MAN1C1: variants seen among roughly 807,000 people sequenced by gnomAD.
The protein encoded by MAN1C1 is mannosyl-oligosaccharide 1,2-alpha-mannosidase IC.
MAN1C1 carries 49 observed loss-of-function variants against 71.5 expected under a neutral mutation model. That is an observed-to-expected ratio of 0.69 (90% CI 0.54 to 0.87). The LOEUF (loss-of-function observed/expected upper bound fraction) is 0.87. Ranked by LOEUF, MAN1C1 falls within the 40% of genes least tolerant of loss-of-function variation. The pLI is 0.00. For synonymous variants in MAN1C1, 352 were observed against 343.7 expected, an observed-to-expected ratio of 1.02 and a Z score of -0.27; for missense variants, 743 against 835.0, an observed-to-expected ratio of 0.89 and a Z score of 1.36.
At chr1:25,717,061 A>G (rs1237940535) in intron 2 of MAN1C1, among the ~76,000 whole-genome samples, 1 of 152,058 alleles carries the variant, frequency 6.6e-6, no homozygotes, top group Non-Finnish European at 1.5e-5. Flanking sequence ...TATTTTTTCC[A>G]TTTGGCAATT....
intron 10 of MAN1C1, among the ~76,000 whole-genome samples, chr1:25,781,886 C>T (rs1457017049): frequency 2.0e-5 from 3 of 152,168 alleles, no homozygotes; most frequent in Admixed American, 2.0e-4. Context: ...TATTTATCAG[C>T]CTATAGGCAA....
chr1:25,718,333 G>T (rs1311197689), intron 2 of MAN1C1, among the ~76,000 whole-genome samples: 1 of 152,150 alleles, frequency 6.6e-6, no homozygotes, highest in African/African-American at 2.4e-5. Context: ...GTCTCTCCTG[G>T]AGGCTTCTGA....
rs961800117 is a variant in MAN1C1, at chr1:25,617,743, C to T, written c.-55C>T. The T allele has an allele frequency of 1.3e-5, 20 of 1,492,598 alleles. No homozygotes were observed. Among genetic ancestry groups the T allele is most frequent in the Middle Eastern group, 2.3e-4 (1 of 4,272 alleles). 92.5% of individuals were successfully genotyped at this position (1,492,598 alleles called of 1,614,324 possible). On this transcript the variant is annotated 5_prime_UTR_variant, in exon 1 of 12. Transcript: ENST00000374332. The surrounding 1 kb of genome is among the most constrained non-coding windows in gnomAD (Gnocchi z 5.1). ...CCGGACGCCCTCCCCTCACCGCGCC[C>T]CCGCAGACACGTGCCTGGACTCCGA...
At chr1:25,745,083 C>T (rs2047110580) in intron 2 of MAN1C1, among the ~76,000 whole-genome samples, 1 of 152,220 alleles carries the variant, frequency 6.6e-6, no homozygotes. Flanking sequence ...TCCCCTCCAC[C>T]TTCACAGTTT....
intron 2 of MAN1C1, among the ~76,000 whole-genome samples, chr1:25,691,064 C>T (rs2124189861): frequency 6.6e-6 from 1 of 152,300 alleles, no homozygotes; most frequent in South Asian, 2.1e-4. Flanking sequence ...CACCCGTAGT[C>T]CCAGCACTGT....
At chr1:25,670,631 G>T (rs1199238052) in intron 1 of MAN1C1, among the ~76,000 whole-genome samples, 1 of 152,214 alleles carries the variant, frequency 6.6e-6, no homozygotes, top group Non-Finnish European at 1.5e-5. Flanking sequence ...GAGGTGCTGG[G>T]TCTATGTCGT....
At chr1:25,625,197 G>T (rs918722306) in intron 1 of MAN1C1, among the ~76,000 whole-genome samples, 10 of 151,806 alleles carry the variant, frequency 6.6e-5, no homozygotes, top group African/African-American at 1.9e-4. Context: ...TAGAGATGGG[G>T]TTTTGCCATG....
At chr1:25,662,865 G>GC (rs1362215164) in intron 1 of MAN1C1, among the ~76,000 whole-genome samples, 1 of 152,188 alleles carries the variant, frequency 6.6e-6, no homozygotes, top group African/African-American at 2.4e-5. Flanking sequence ...TTCGAGATAA[G>GC]CCTGACCAAT....
intron 1 of MAN1C1, among the ~76,000 whole-genome samples, chr1:25,637,011 C>T (rs559716248): frequency 7.4e-4 from 113 of 152,032 alleles, no homozygotes; most frequent in Non-Finnish European, 4.9e-4. Flanking sequence ...AAAAATTTGC[C>T]GGGCATGGTG....
rs1189983514 is a variant in MAN1C1, at chr1:25,634,290, C to T, written c.540+15953C>T. On this transcript the variant is annotated intron_variant, in intron 1 of 11. Coordinates refer to ENST00000374332, the MANE Select transcript of MAN1C1 (RefSeq NM_020379.4). The surrounding 1 kb of genome is among the most constrained non-coding windows in gnomAD (Gnocchi z 4.6). The stretch of plus-strand genomic sequence containing the variant: ...AAAAAGAAGTAGTGAGAACTGACAT[C>T]TTTGCCTTGTTCTTGATCTCGAGGG... Among the ~76,000 whole-genome samples, 1 of 152,180 alleles carries T rather than the reference C, an allele frequency of 6.6e-6. No homozygotes were observed. Among genetic ancestry groups the T allele is most frequent in the Non-Finnish European group, 1.5e-5 (1 of 68,034 alleles).
rs983221723 is a variant in MAN1C1, at chr1:25,782,096, A to T, written c.1651-489A>T. ...TGAGACCTTGTCTCAAGAAAAAAAAATGCATTTATATAGAAAGATGAATGG... is the reference window on the plus strand; with the variant it reads ...TGAGACCTTGTCTCAAGAAAAAAAATTGCATTTATATAGAAAGATGAATGG... On this transcript the variant is annotated intron_variant, in intron 10 of 11. Coordinates refer to ENST00000374332, the MANE Select transcript of MAN1C1 (RefSeq NM_020379.4). This position sits in a 1 kb window ranked among gnomAD's most constrained non-coding sequence, Gnocchi z 4.4. 6.6e-6 allele frequency among the ~76,000 whole-genome samples: 1 copy of T among 150,604 alleles called. No individual in the cohort carries two copies. The highest frequency in any genetic ancestry group is 2.5e-5 in the African/African-American group (1 of 40,816).
chr1:25,679,960 T>A (rs1397625643), intron 1 of MAN1C1, among the ~76,000 whole-genome samples: 3,834 of 128,708 alleles, frequency 0.03, 99 homozygotes, highest in Middle Eastern at 0.062. Flanking sequence ...AATATATATA[T>A]ATATATATAT....
intron 5 of MAN1C1, among the ~76,000 whole-genome samples, chr1:25,754,805 C>T (rs2047263840): frequency 1.3e-5 from 2 of 152,200 alleles, no homozygotes; most frequent in Non-Finnish European, 2.9e-5. Context: ...CCTGATCTGA[C>T]ACGAATCCTG....
chr1:25,708,975 C>A (rs1188631878), intron 2 of MAN1C1, among the ~76,000 whole-genome samples: 1 of 152,116 alleles, frequency 6.6e-6, no homozygotes. Flanking sequence ...TTGGCACTTG[C>A]ATTTTCCTGA....
intron 1 of MAN1C1, among the ~76,000 whole-genome samples, chr1:25,679,835 A>G (rs999746893): frequency 6.7e-6 from 1 of 149,682 alleles, no homozygotes; most frequent in Non-Finnish European, 1.5e-5. Flanking sequence ...TTCATTGTAT[A>G]TTTCCAAAAA....
intron 5 of MAN1C1, among the ~76,000 whole-genome samples, chr1:25,758,102 AAG>A (rs551159227): frequency 6.0e-4 from 91 of 152,304 alleles, no homozygotes; most frequent in African/African-American, 2.1e-3. Flanking sequence ...GGGAGAGGGA[AAG>A]AGCTAGGCGG....
chr1:25,671,130 C>T (rs572100715), intron 1 of MAN1C1, among the ~76,000 whole-genome samples: 44 of 152,290 alleles, frequency 2.9e-4, no homozygotes, highest in Non-Finnish European at 4.4e-4. Flanking sequence ...CCACCTGCCT[C>T]GGCCTCCAGA....
chr1:25,768,870 C>T (rs1274206632), intron 7 of MAN1C1, among the ~76,000 whole-genome samples: 2 of 151,046 alleles, frequency 1.3e-5, no homozygotes, highest in Admixed American at 6.6e-5. Context: ...CCTACACACA[C>T]TCCCCTCACA....
chr1:25,644,450 T>G (rs1045178353), intron 1 of MAN1C1: 1 of 145,994 alleles, frequency 6.8e-6, no homozygotes, highest in African/African-American at 2.6e-5. Context: ...TCTAATGGGT[T>G]GTTGGAAATA....
Sources: allele counts gnomAD v4.1 joint callset (sites outside exome capture counted in the v4.1 genomes callset), GRCh38; gene constraint gnomAD v4.1.1; non-coding constraint Gnocchi (gnomAD v3.1); transcripts MANE v1.5; gene names NCBI Gene and HGNC (gene_info 2026-07-23, HGNC 2026-07-21).